TXLNB: variants seen among roughly 807,000 people sequenced by gnomAD.
The protein encoded by TXLNB is taxilin beta, also known as beta-taxilin.
A neutral mutation model predicts 57.4 loss-of-function variants in TXLNB; 37 were observed. The observed-to-expected ratio is 0.64, with a 90% confidence interval of 0.50 to 0.85. The LOEUF (loss-of-function observed/expected upper bound fraction) is 0.85. TXLNB is among the 40% of genes least tolerant of loss of function. The pLI, the probability that TXLNB is intolerant of heterozygous loss-of-function variation, is 0.00. For missense variants in TXLNB, 848 were observed against 825.6 expected (o/e 1.03, Z -0.33); for synonymous variants, 302 against 309.6 (o/e 0.98, Z 0.26).
chr6:139,180,021 C>T, the TXLNB span: 1 of 152,198 alleles, frequency 6.6e-6, no homozygotes, highest in Non-Finnish European at 1.5e-5. Context: ...GGCCATCTCA[C>T]CTCTTCATTC....
chr6:139,189,279 T>A, the TXLNB span, among the ~76,000 whole-genome samples: 1 of 152,222 alleles, frequency 6.6e-6, no homozygotes, highest in Non-Finnish European at 1.5e-5. Context: ...CATGTTTGGA[T>A]TTGCATTAGT....
At chr6:139,313,151 C>A in the TXLNB span, among the ~76,000 whole-genome samples, 1 of 151,926 alleles carries the variant, frequency 6.6e-6, no homozygotes, top group African/African-American at 2.4e-5. Flanking sequence ...CGGCTCGCTG[C>A]AAGCTCTGCC....
the TXLNB span, chr6:139,234,268 G>T: frequency 6.6e-6 from 1 of 152,236 alleles, no homozygotes; most frequent in African/African-American, 2.4e-5. Flanking sequence ...AAACACTCCA[G>T]AAATTTGCAT....
At chr6:139,165,194 C>T in the TXLNB span, among the ~76,000 whole-genome samples, 6 of 152,316 alleles carry the variant, frequency 3.9e-5, no homozygotes, top group Non-Finnish European at 7.4e-5. Flanking sequence ...CACTTTTACA[C>T]GGCTAGTATC....
intron 4 of TXLNB, among the ~76,000 whole-genome samples, chr6:139,267,602 A>C (rs1583011718): frequency 6.6e-6 from 1 of 152,248 alleles, no homozygotes; most frequent in East Asian, 1.9e-4. Flanking sequence ...AATAATAAAT[A>C]ATAAAATGGT....
the TXLNB span, among the ~76,000 whole-genome samples, chr6:139,316,006 A>G: frequency 6.6e-6 from 1 of 152,176 alleles, no homozygotes; most frequent in East Asian, 1.9e-4. Context: ...TAATATAGTA[A>G]TAATAGTAAA....
At chr6:139,229,483 C>T in the TXLNB span, among the ~76,000 whole-genome samples, 100,250 of 151,894 alleles carry the variant, frequency 0.66, 33,542 homozygotes, top group East Asian at 0.81. Context: ...CCACCACGCC[C>T]GGCTAATTTT....
the TXLNB span, among the ~76,000 whole-genome samples, chr6:139,189,722 G>T: frequency 7.2e-5 from 11 of 152,280 alleles, no homozygotes; most frequent in South Asian, 2.1e-3. Flanking sequence ...GGTTTGCGGG[G>T]AGAGAGGTCA....
the TXLNB span, among the ~76,000 whole-genome samples, chr6:139,184,059 C>T: frequency 6.6e-6 from 1 of 152,130 alleles, no homozygotes; most frequent in African/African-American, 2.4e-5. Flanking sequence ...GTGGAGTCAG[C>T]GCTTCGTGAA....
intron 4 of TXLNB, among the ~76,000 whole-genome samples, chr6:139,267,533 T>C (rs192527083): frequency 1.3e-5 from 2 of 152,278 alleles, no homozygotes; most frequent in Non-Finnish European, 2.9e-5. Flanking sequence ...AATTTTTAAA[T>C]ATTCAAATAA....
chr6:139,194,084 G>A, the TXLNB span, among the ~76,000 whole-genome samples: 19 of 151,552 alleles, frequency 1.3e-4, no homozygotes, highest in African/African-American at 3.9e-4. Flanking sequence ...CTCGTGATCC[G>A]CCCGCCTCGG....
intron 4 of TXLNB, among the ~76,000 whole-genome samples, 199 bp downstream of exon 4, chr6:139,270,257 G>C (rs528483633): frequency 2.8e-4 from 42 of 152,194 alleles, no homozygotes; most frequent in African/African-American, 8.4e-4. Flanking sequence ...AGTGAAGCTG[G>C]TCTAATCTCC....
At chr6:139,176,477 A>G in the TXLNB span, among the ~76,000 whole-genome samples, 1 of 152,240 alleles carries the variant, frequency 6.6e-6, no homozygotes, top group Non-Finnish European at 1.5e-5. This position sits in a 1 kb window ranked among gnomAD's most constrained non-coding sequence, Gnocchi z 4.5. Context: ...TGGGAACTCC[A>G]GAAGCCTCAG....
chr6:139,274,867 A>G (rs919174312), intron 3 of TXLNB, among the ~76,000 whole-genome samples: 7 of 152,186 alleles, frequency 4.6e-5, no homozygotes, highest in African/African-American at 1.7e-4. Context: ...ATGACTCAGA[A>G]AATACTAAAA....
At position 139,262,667 on chromosome 6, in the gene TXLNB, C is replaced by G; in HGVS notation, c.794G>C (p.Ser265Thr). 6.2e-7 allele frequency: 1 copy of G among 1,614,206 alleles called. No homozygotes were observed. The highest frequency in any genetic ancestry group is 8.5e-7 in the Non-Finnish European group (1 of 1,180,044). The change falls in exon 5 of 10, where the codon AGT (serine) becomes ACT (threonine). Residue 265 changes from serine to threonine, a missense_variant. Transcript: ENST00000358430. ...CTGACAGAGCTTCATATTTCGCTCA[C>G]TCTGCTGCTCGATCTGGCCCTGGAT... ...TDIQGQIEQQ[S>T]ERNMKLCQEN... is the part of the protein sequence containing the mutation.
At chr6:139,235,843 G>A (rs1390419842), downstream of TXLNB, among the ~76,000 whole-genome samples, 1 of 152,186 alleles carries the variant, frequency 6.6e-6, no homozygotes, top group African/African-American at 2.4e-5. Flanking sequence ...ACAGCTGCTG[G>A]ATGTCAAGAG....
chr6:139,273,098 C>T (rs894104597), intron 3 of TXLNB, among the ~76,000 whole-genome samples: 2 of 152,150 alleles, frequency 1.3e-5, no homozygotes, highest in Non-Finnish European at 2.9e-5. Context: ...GCCATTCTGG[C>T]GTAGACTTTA....
chr6:139,272,520 G>A (rs1245343929), intron 3 of TXLNB, among the ~76,000 whole-genome samples: 1 of 151,978 alleles, frequency 6.6e-6, no homozygotes, highest in African/African-American at 2.4e-5. Flanking sequence ...AGCTACTAGT[G>A]GAAATTAGCA....
chr6:139,166,397 A>C, the TXLNB span: 1 of 1,614,208 alleles, frequency 6.2e-7, no homozygotes, highest in Non-Finnish European at 8.5e-7. Flanking sequence ...CAGCACCTGG[A>C]TGCACCTGCA....
Sources: allele counts gnomAD v4.1 joint callset (sites outside exome capture counted in the v4.1 genomes callset), GRCh38; gene constraint gnomAD v4.1.1; non-coding constraint Gnocchi (gnomAD v3.1); transcripts MANE v1.5; gene names NCBI Gene and HGNC (gene_info 2026-07-23, HGNC 2026-07-21).